The following TAF15 variants were observed in gnomAD, a reference collection of about 807,000 sequenced individuals.
The protein encoded by TAF15 is TATA-binding protein-associated factor 2N.
In TAF15, 37 loss-of-function variants were observed where a neutral mutation model predicts 102.5. That is an observed-to-expected ratio of 0.36 (90% CI 0.28 to 0.47). The LOEUF is 0.47. TAF15 is among the 20% of genes least tolerant of loss of function. The pLI, the probability that TAF15 is intolerant of heterozygous loss-of-function variation, is 0.99. For missense variants in TAF15, 652 were observed against 760.7 expected (o/e 0.86, Z 1.68); for synonymous variants, 273 against 259.2 (o/e 1.05, Z -0.51).
Position 35,844,869 on chromosome 17 carries a change from G to A in TAF15, c.1570G>A (p.Gly524Arg). The change falls in exon 15 of 16, where the codon GGA (glycine) becomes AGA (arginine). Residue 524 changes from glycine (G) to arginine (R), a missense_variant. By Grantham distance (125) the Gly-to-Arg change is moderately radical (BLOSUM62 -2). Coordinates refer to ENST00000605844, the MANE Select transcript of TAF15 (RefSeq NM_139215.3). ...TGGAGGAGATCGAGGAGGCTATGGAGGAGACAGAAGCCGGGGGGGCTATGG... is the reference window on the plus strand; with the variant it reads ...TGGAGGAGATCGAGGAGGCTATGGAAGAGACAGAAGCCGGGGGGGCTATGG... Reference protein sequence around the residue: ...GYGGDRGGYGGDRSRGGYGGD... With the variant: ...GYGGDRGGYGRDRSRGGYGGD... 2.5e-6 allele frequency: 4 copies of A among 1,613,176 alleles called. No homozygotes were observed. The highest frequency in any genetic ancestry group is 2.2e-5 in the South Asian group (2 of 91,008).
At position 35,844,881 on chromosome 17, in the gene TAF15, CG is replaced by C. The variant is rs770087298; in HGVS notation, c.1589del (p.Gly530AlafsTer116). 4 of 1,601,322 alleles carry C rather than the reference CG, an allele frequency of 2.5e-6. No individual in the cohort carries two copies. The highest frequency in any genetic ancestry group is 2.5e-6 in the Non-Finnish European group (3 of 1,176,484). On this transcript the variant is annotated frameshift_variant, in exon 15 of 16. Transcript: ENST00000605844. LOFTEE classifies it high-confidence loss of function. The stretch of plus-strand genomic sequence containing the variant: ...AGGAGGCTATGGAGGAGACAGAAGC[CG>C]GGGGGGCTATGGAGGAGACCGTGGT... ...DRGGYGGDRS[R>X]GGYGGDRGGG...
intron 2 of TAF15, 46 bp downstream of exon 2, chr17:35,817,801 G>A: frequency 6.4e-6 from 10 of 1,553,692 alleles, no homozygotes; most frequent in Non-Finnish European, 8.9e-6. Flanking sequence ...TAGAACTGAG[G>A]TGAATTTTGT....
chr17:35,814,709 C>G (rs112905459), intron 1 of TAF15, among the ~76,000 whole-genome samples: 2 of 151,628 alleles, frequency 1.3e-5, no homozygotes, highest in African/African-American at 4.9e-5. Flanking sequence ...AAAAACTAGC[C>G]GGGCAAGGTG....
At chr17:35,821,411 A>T (rs2087256397) in intron 5 of TAF15, among the ~76,000 whole-genome samples, 1 of 152,238 alleles carries the variant, frequency 6.6e-6, no homozygotes, top group African/African-American at 2.4e-5. Context: ...TGACCTATAA[A>T]TATAGTCTGA....
In TAF15 at chr17:35,842,360, T is replaced by G; in HGVS notation, c.914-7T>G. ...CATTGCTTCAAAGCTGATTTCTTTT[T>G]TCTTAGGAAAAGAATTCCATGGCAA... On this transcript the variant is annotated splice_region_variant and splice_polypyrimidine_tract_variant and intron_variant, in intron 11 of 15. Transcript: ENST00000605844. 1 of 1,611,948 alleles carries G rather than the reference T, an allele frequency of 6.2e-7. No individual in the cohort carries two copies. Among genetic ancestry groups the G allele is most frequent in the Non-Finnish European group, 8.5e-7 (1 of 1,178,102 alleles).
chr17:35,815,543 G>A (rs2087185028), intron 1 of TAF15, among the ~76,000 whole-genome samples: 1 of 152,132 alleles, frequency 6.6e-6, no homozygotes, highest in Non-Finnish European at 1.5e-5. Flanking sequence ...TTGAGATAGG[G>A]TTACAGGACC....
At chr17:35,844,217 CAGAAAGGGGTTCTGAGTCCATT>C (rs1267931970) in intron 13 of TAF15, 41 bp from the exon 14 acceptor site, 38 of 1,611,030 alleles carry the variant, frequency 2.4e-5, no homozygotes, top group Non-Finnish European at 3.1e-5. Context: ...GTGGAGGATA[CAGAAAGGGGTTCTGAGTCCATT>C]AGAAACTATA....
At chr17:35,823,191 G>C (rs2087284005) in intron 6 of TAF15, among the ~76,000 whole-genome samples, 1 of 152,132 alleles carries the variant, frequency 6.6e-6, no homozygotes, top group South Asian at 2.1e-4. Flanking sequence ...GTTCATAGTA[G>C]GTGCTCAGTT....
rs768377048 is a variant in TAF15 at position 35,842,401 on chromosome 17, C to T, written c.948C>T (p.Ser316=). 2 of 1,614,042 alleles carry T rather than the reference C, an allele frequency of 1.2e-6. No individual in the cohort carries two copies. ...TCCATGGCAACATCATTAAAGTGTC[C>T]TTTGCCACTAGAAGACCTGAATTCA... ...KEFHGNIIKV[S]FATRRPEFMR... The change falls in exon 12 of 16, where the codon TCC becomes TCT. Residue 316 remains serine, a synonymous_variant. Transcript: ENST00000605844.
chr17:35,820,129 A>T (rs1237113628), intron 3 of TAF15, 35 bp from the exon 4 acceptor site: 7 of 1,613,222 alleles, frequency 4.3e-6, no homozygotes, highest in Non-Finnish European at 5.9e-6. Flanking sequence ...TATCTTAAGT[A>T]GGTGATGAAA....
chr17:35,809,492 T>C lies in TAF15; in HGVS notation c.-78T>C. 1.2e-6 allele frequency: 2 copies of C among 1,603,714 alleles called. No individual in the cohort carries two copies. The highest frequency in any genetic ancestry group is 1.7e-5 in the Admixed American group (1 of 59,640). On this transcript the variant is annotated 5_prime_UTR_variant, in exon 1 of 16. Coordinates refer to ENST00000605844, the MANE Select transcript of TAF15 (RefSeq NM_139215.3). Reference sequence around the variant, plus strand: ...CCCGCCGCGCCGCCCTCAGTACAGCTCCGGCCGCCGCGCCGCCTGGCTTTC... The same window carrying C: ...CCCGCCGCGCCGCCCTCAGTACAGCCCCGGCCGCCGCGCCGCCTGGCTTTC...
intron 11 of TAF15, 89 bp downstream of exon 11, chr17:35,838,642 A>G: frequency 6.3e-7 from 1 of 1,585,266 alleles, no homozygotes; most frequent in South Asian, 1.1e-5. Context: ...GACAGTGATT[A>G]TATTCATGTT....
Position 35,833,933 on chromosome 17 carries a change from A to T in TAF15, c.632A>T (p.Asn211Ile). 6.2e-7 allele frequency: 1 copy of T among 1,613,984 alleles called. No homozygotes were observed. Among genetic ancestry groups the T allele is most frequent in the South Asian group, 1.1e-5 (1 of 91,066 alleles). ...SSGGDRGGFK[N>I]FGGHRDYGPR... ...GGTGGTGACCGCGGTGGCTTCAAAAATTTTGGTGGTAAGTGCTGAGTATCC... is the reference window on the plus strand; with the variant it reads ...GGTGGTGACCGCGGTGGCTTCAAAATTTTTGGTGGTAAGTGCTGAGTATCC... Residue 211 changes from asparagine (N) to isoleucine (I), a missense_variant, in exon 8 of 16, where the codon AAT (asparagine) becomes ATT (isoleucine). By Grantham distance (149) the Asn-to-Ile change is moderately radical. Around this residue, in one of 3 missense-constraint regions of TAF15, gnomAD observed 243 missense variants for 284.1 expected, o/e 0.86. Transcript: ENST00000605844.
In TAF15 at chr17:35,844,643, A is replaced by C; in HGVS notation, c.1344A>C (p.Gly448=). 6.3e-7 allele frequency: 1 copy of C among 1,586,720 alleles called. No homozygotes were observed. Among genetic ancestry groups the C allele is most frequent in the Admixed American group, 1.8e-5 (1 of 55,948 alleles). Residue 448 remains glycine, a synonymous_variant, in exon 15 of 16, where the codon GGA becomes GGC. Transcript: ENST00000605844. ...ATAGAAGTGGGGGCGGCTATGGTGGAGACAGAAGTGGGGGTGGCTATGGTG... is the reference window on the plus strand; with the variant it reads ...ATAGAAGTGGGGGCGGCTATGGTGGCGACAGAAGTGGGGGTGGCTATGGTG... ...SGDRSGGGYG[G]DRSGGGYGGD...
At chr17:35,823,263 G>T (rs2087285241) in intron 6 of TAF15, among the ~76,000 whole-genome samples, 1 of 152,218 alleles carries the variant, frequency 6.6e-6, no homozygotes, top group Non-Finnish European at 1.5e-5. Flanking sequence ...GTAAGTGCTT[G>T]TTGAATAATT....
rs752346426 is a variant in TAF15 at position 35,820,254 on chromosome 17, A to G, written c.184+6A>G. On this transcript the variant is annotated splice_donor_region_variant and intron_variant, in intron 4 of 15. Transcript: ENST00000605844. ...TTATGGACAAAGTCAGTCAGGTTGG[A>G]CTAGTTTGTTAAATTTGTTGTTTCA... 6.2e-7 allele frequency: 1 copy of G among 1,614,040 alleles called. No individual in the cohort carries two copies. The highest frequency in any genetic ancestry group is 1.1e-5 in the South Asian group (1 of 91,078).
intron 7 of TAF15, among the ~76,000 whole-genome samples, chr17:35,826,702 C>T (rs559901227): frequency 3.7e-4 from 55 of 149,320 alleles, no homozygotes; most frequent in African/African-American, 1.0e-3. Flanking sequence ...GGACTACAGG[C>T]GTGTGCCAGC....
At position 35,846,829 on chromosome 17, in the gene TAF15, T is replaced by C. The variant is rs976918111; in HGVS notation, c.1740-77T>C. 2.4e-5 allele frequency: 35 copies of C among 1,484,662 alleles called. No homozygotes were observed. In the African/African-American group the frequency reaches 3.9e-4, roughly 16 times the overall value. The allele number at this position is 1,484,662 out of a possible 1,614,324, so 92.0% of individuals were successfully genotyped here. On this transcript the variant is annotated intron_variant, in intron 15 of 15. Coordinates refer to ENST00000605844, the MANE Select transcript of TAF15 (RefSeq NM_139215.3). ...TTGTCTAGCTGATGCCAATCACTAG[T>C]ACCCTGAAGAAGTGTCTAATGCTCC...
rs781461546 is a variant in TAF15 at position 35,822,670 on chromosome 17, G to A, written c.321G>A (p.Gln107=). 1.9e-6 allele frequency: 3 copies of A among 1,613,882 alleles called. No individual in the cohort carries two copies. Among genetic ancestry groups the A allele is most frequent in the Admixed American group, 1.7e-5 (1 of 59,990 alleles). Residue 107 remains glutamine (Q), a synonymous_variant, in exon 6 of 16, where the codon CAG becomes CAA. Coordinates refer to ENST00000605844, the MANE Select transcript of TAF15 (RefSeq NM_139215.3). The part of the protein sequence containing the change: ...SQGGRAPSYD[Q]PDYGQQDSYD... ...GTGGAAGAGCACCTTCCTATGACCA[G>A]CCAGACTATGGTCAACAAGATTCAT...
Sources: allele counts gnomAD v4.1 joint callset (sites outside exome capture counted in the v4.1 genomes callset), GRCh38; gene constraint gnomAD v4.1.1; regional missense constraint gnomAD v4.1.1; transcripts MANE v1.5; gene names NCBI Gene and HGNC (gene_info 2026-07-23, HGNC 2026-07-21).